Variants in CCDC191 observed in about 807,000 individuals in gnomAD.
CCDC191 encodes the protein coiled-coil domain-containing protein 191.
In CCDC191, 99 loss-of-function variants were observed where a neutral mutation model predicts 114.0. The ratio of observed to expected loss-of-function variants is 0.87; its 90% CI spans 0.74 to 1.03. The LOEUF (loss-of-function observed/expected upper bound fraction) is 1.03. CCDC191 is among the 50% of genes least tolerant of loss of function. The pLI is 0.00. For missense variants in CCDC191, 973 were observed against 1,087.0 expected (o/e 0.90, Z 1.47); for synonymous variants, 351 against 376.0 (o/e 0.93, Z 0.77).
intron 13 of CCDC191, among the ~76,000 whole-genome samples, chr3:113,995,318 A>T (rs922812907): frequency 3.3e-5 from 5 of 152,214 alleles, no homozygotes; most frequent in Non-Finnish European, 5.9e-5. Flanking sequence ...TATAAAAATT[A>T]AAAAATGAGG....
intron 8 of CCDC191, among the ~76,000 whole-genome samples, chr3:114,014,231 T>C (rs966686101): frequency 6.6e-5 from 10 of 152,208 alleles, no homozygotes; most frequent in Non-Finnish European, 1.5e-4. Flanking sequence ...CATTCAATAA[T>C]GTGCCAGGTA....
intron 16 of CCDC191, among the ~76,000 whole-genome samples, chr3:113,977,942 G>A (rs1403017817): frequency 6.6e-6 from 1 of 152,024 alleles, no homozygotes; most frequent in Non-Finnish European, 1.5e-5. Context: ...TTATTCTCTT[G>A]GCAGTTTCCG....
chr3:113,992,183 C>T (rs1482766211), intron 13 of CCDC191, among the ~76,000 whole-genome samples: 1 of 152,138 alleles, frequency 6.6e-6, no homozygotes, highest in Non-Finnish European at 1.5e-5. Flanking sequence ...AATAGTTTCA[C>T]TTTATCTAGG....
intron 6 of CCDC191, among the ~76,000 whole-genome samples, chr3:114,034,439 CAA>C (rs1318567093): frequency 6.6e-6 from 1 of 151,982 alleles, no homozygotes; most frequent in Non-Finnish European, 1.5e-5. Context: ...GGCAATGTTT[CAA>C]GAGTCAGAAA....
intron 2 of CCDC191, 101 bp from the exon 3 acceptor site, chr3:114,046,833 A>G (rs1577478230): frequency 1.4e-6 from 2 of 1,418,398 alleles, no homozygotes; most frequent in East Asian, 5.0e-5. Context: ...ACCACCTACT[A>G]AGATTCGTTC....
At chr3:114,047,741 G>A (rs1219608724) in intron 2 of CCDC191, among the ~76,000 whole-genome samples, 6 of 152,128 alleles carry the variant, frequency 3.9e-5, no homozygotes, top group East Asian at 3.9e-4. Flanking sequence ...TTGGGAGGCC[G>A]AGGCGGGTGG....
intron 13 of CCDC191, among the ~76,000 whole-genome samples, chr3:113,996,371 T>C (rs1183525841): frequency 6.6e-6 from 1 of 152,240 alleles, no homozygotes; most frequent in East Asian, 1.9e-4. Context: ...AGGGAATCCT[T>C]TCCCCATTGC....
intron 2 of CCDC191, 58 bp from the exon 3 acceptor site, chr3:114,046,790 G>GAACA: frequency 6.6e-7 from 1 of 1,517,880 alleles, no homozygotes; most frequent in Non-Finnish European, 8.8e-7. Flanking sequence ...TTCAGTTAGA[G>GAACA]AATTTCTCTC....
intron 16 of CCDC191, among the ~76,000 whole-genome samples, chr3:113,968,461 C>CT (rs1280809551): frequency 3.1e-4 from 45 of 144,756 alleles, no homozygotes; most frequent in South Asian, 4.3e-4. Flanking sequence ...CTTCCCCCCC[C>CT]TTTTTTTTTT....
chr3:114,010,498 T>TA (rs2076050358), intron 9 of CCDC191, among the ~76,000 whole-genome samples: 6 of 152,230 alleles, frequency 3.9e-5, no homozygotes, highest in Admixed American at 3.9e-4. Flanking sequence ...GACAGTGCTT[T>TA]ACCTGTCTTT....
intron 4 of CCDC191, chr3:114,037,174 A>G (rs2076497561): frequency 1.3e-5 from 2 of 152,640 alleles, no homozygotes; most frequent in South Asian, 4.1e-4. Flanking sequence ...GCAAATATTT[A>G]AAGTTTACGA....
chr3:113,969,343 T>C (rs2200576), intron 16 of CCDC191, among the ~76,000 whole-genome samples: 178 of 152,342 alleles, frequency 1.2e-3, no homozygotes, highest in African/African-American at 4.0e-3. Context: ...GCAGAAACTT[T>C]TTAGCTTGAT....
upstream of CCDC191, chr3:114,056,531 C>G (rs762329178): frequency 1.3e-5 from 21 of 1,611,446 alleles, no homozygotes; most frequent in Admixed American, 2.0e-4. Flanking sequence ...CGGGCTGCCT[C>G]CGGGTCACGC....
At chr3:114,000,824 A>AT (rs1011730370) in intron 13 of CCDC191, among the ~76,000 whole-genome samples, 16 of 149,020 alleles carry the variant, frequency 1.1e-4, no homozygotes, top group Middle Eastern at 3.5e-3. Flanking sequence ...GATGATTAAA[A>AT]TTTTTTTTTT....
intron 8 of CCDC191, among the ~76,000 whole-genome samples, chr3:114,012,863 T>G (rs1286674715): frequency 4.6e-5 from 7 of 152,160 alleles, no homozygotes; most frequent in African/African-American, 1.7e-4. Flanking sequence ...CTTCTGTAAC[T>G]ATAACAAGAC....
chr3:113,991,330 C>G (rs1024177111), intron 13 of CCDC191, among the ~76,000 whole-genome samples: 2 of 140,042 alleles, frequency 1.4e-5, no homozygotes, highest in Non-Finnish European at 3.0e-5. Context: ...AAAAATAACA[C>G]ACCATGACCA....
At chr3:114,032,764 GTTA>G (rs1275717132) in intron 6 of CCDC191, among the ~76,000 whole-genome samples, 4 of 152,138 alleles carry the variant, frequency 2.6e-5, no homozygotes, top group Non-Finnish European at 5.9e-5. Flanking sequence ...CCAGTATAGA[GTTA>G]TTATTTTTCC....
chr3:114,040,051 C>G (rs1233432379), intron 4 of CCDC191, among the ~76,000 whole-genome samples: 2 of 152,180 alleles, frequency 1.3e-5, no homozygotes, highest in Non-Finnish European at 2.9e-5. Flanking sequence ...TTATGGTATA[C>G]CCTGTACAGG....
At chr3:114,033,121 TCTCA>T (rs2076432218) in intron 6 of CCDC191, among the ~76,000 whole-genome samples, 2 of 151,168 alleles carry the variant, frequency 1.3e-5, no homozygotes, top group East Asian at 2.0e-4. Context: ...TGCGATGGAG[TCTCA>T]CTCACTCTGT....
Sources: gnomAD v4.1 joint callset for allele counts (sites outside exome capture counted in the v4.1 genomes callset) on GRCh38, gnomAD v4.1.1 for gene constraint, MANE v1.5 for transcripts, NCBI Gene and HGNC (gene_info 2026-07-23, HGNC 2026-07-21) for gene names.